The following AMOTL1 variants were observed in gnomAD, a reference collection of about 807,000 sequenced individuals.
The protein encoded by AMOTL1 is angiomotin-like protein 1.
In AMOTL1, 45 loss-of-function variants were observed where a neutral mutation model predicts 102.9. The observed-to-expected ratio is 0.44, with a 90% CI of 0.34 to 0.56. The LOEUF (loss-of-function observed/expected upper bound fraction) is 0.56, where lower values mean the gene tolerates loss of function less well. Ranked by LOEUF, AMOTL1 falls within the 20% of genes least tolerant of loss-of-function variation. The probability of loss-of-function intolerance (pLI) is 0.01; values close to 1 mark genes in which losing one functional copy is unlikely to be tolerated. For missense variants in AMOTL1, 1,114 were observed against 1,225.6 expected (o/e 0.91, Z 1.36); for synonymous variants, 481 against 484.7 (o/e 0.99, Z 0.10).
At chr11:94,760,833 G>A (rs1950783135) in intron 3 of AMOTL1, among the ~76,000 whole-genome samples, 1 of 152,166 alleles carries the variant, frequency 6.6e-6, no homozygotes, top group Non-Finnish European at 1.5e-5. Flanking sequence ...TTTTTTGATG[G>A]TTTTGGGGGA....
At chr11:94,861,327 G>C (rs1952770625) in intron 9 of AMOTL1, among the ~76,000 whole-genome samples, 1 of 152,090 alleles carries the variant, frequency 6.6e-6, no homozygotes, top group Non-Finnish European at 1.5e-5. Context: ...TAATTGAAAT[G>C]GTTTTTTTTT....
At chr11:94,768,636 C>A in intron 1 of AMOTL1, 76 bp downstream of exon 1, 2 of 1,546,808 alleles carry the variant, frequency 1.3e-6, no homozygotes, top group Non-Finnish European at 1.7e-6. Context: ...GCCCCGGGCT[C>A]CCCGGGCCCC....
At position 94,799,864 on chromosome 11, in the gene AMOTL1, G is replaced by A. The variant is rs113594187; in HGVS notation, c.674G>A (p.Ser225Asn). ...GGTTACTACATGGCAGGGGGCACCA[G>A]TCAGAAGTCCCGAACTGAGGGGAGG... ...GHGYYMAGGT[S>N]QKSRTEGRPT... The change falls in exon 3 of 13, where the codon AGT becomes AAT. Residue 225 changes from serine (S) to asparagine (N), a missense_variant. Transcript: ENST00000433060. The surrounding 1 kb of genome is among the most constrained non-coding windows in gnomAD (Gnocchi z 4.5). 1,267 of 1,592,410 alleles carry A rather than the reference G, an allele frequency of 8.0e-4. 20 individuals are homozygous for A. In the African/African-American group the frequency reaches 0.015, roughly 19 times the overall value.
At chr11:94,804,208 A>G (rs1951529519) in intron 3 of AMOTL1, among the ~76,000 whole-genome samples, 1 of 152,258 alleles carries the variant, frequency 6.6e-6, no homozygotes, top group Non-Finnish European at 1.5e-5. Flanking sequence ...TAAAAATATT[A>G]CGGTGCCTGT....
intron 1 of AMOTL1, among the ~76,000 whole-genome samples, chr11:94,717,378 G>C (rs1268198370): frequency 6.7e-6 from 1 of 148,890 alleles, no homozygotes; most frequent in African/African-American, 2.5e-5. Flanking sequence ...ATTAAAGCAT[G>C]TCAGAAAATA....
chr11:94,707,240 CTCTCTCTCTCTG>C (rs759584109), intron 1 of AMOTL1, among the ~76,000 whole-genome samples: 3,479 of 86,524 alleles, frequency 0.04, 51 homozygotes, highest in East Asian at 0.081. Context: ...CTCTCTCTCT[CTCTCTCTCTCTG>C]TGTGTGTGTG....
chr11:94,754,550 G>C (rs1565339958), intron 3 of AMOTL1, among the ~76,000 whole-genome samples: 1 of 152,106 alleles, frequency 6.6e-6, no homozygotes, highest in Non-Finnish European at 1.5e-5. Context: ...CCTTAAATTT[G>C]GCTCAGTAGT....
At chr11:94,845,637 T>C (rs1328728327) in intron 6 of AMOTL1, among the ~76,000 whole-genome samples, 2 of 152,198 alleles carry the variant, frequency 1.3e-5, no homozygotes, top group Non-Finnish European at 2.9e-5. Flanking sequence ...TTTGAGGAGA[T>C]GGAGTCTCAG....
At chr11:94,836,225 C>T (rs1311654788) in intron 6 of AMOTL1, among the ~76,000 whole-genome samples, 1 of 152,176 alleles carries the variant, frequency 6.6e-6, no homozygotes. Context: ...GGTTTCATTA[C>T]ATCAGATGCT....
intron 1 of AMOTL1, among the ~76,000 whole-genome samples, chr11:94,718,247 C>T (rs1950124236): frequency 1.3e-5 from 2 of 151,964 alleles, no homozygotes; most frequent in Non-Finnish European, 2.9e-5. Flanking sequence ...TTGTCAATTT[C>T]CTGACTTATC....
At chr11:94,792,538 T>A (rs182435170) in intron 1 of AMOTL1, among the ~76,000 whole-genome samples, 121 of 152,354 alleles carry the variant, frequency 7.9e-4, no homozygotes, top group African/African-American at 2.5e-3. Flanking sequence ...GGTTGTCTCT[T>A]GGCTTTAGAC....
At chr11:94,742,432 A>C (rs1950540012) in intron 3 of AMOTL1, among the ~76,000 whole-genome samples, 1 of 152,192 alleles carries the variant, frequency 6.6e-6, no homozygotes, top group Non-Finnish European at 1.5e-5. Context: ...TGCTCTGGGA[A>C]ATCAGACTGT....
Position 94,831,414 on chromosome 11 carries a change from T to C in AMOTL1, c.1559-38T>C, listed in dbSNP as rs563501226. 165 of 1,510,278 alleles carry C rather than the reference T, an allele frequency of 1.1e-4. 2 individuals carry two copies. The East Asian group carries it at 3.2e-3, about 30-fold the overall frequency. The allele number at this position is 1,510,278 out of a possible 1,614,324, so 93.6% of individuals were successfully genotyped here. A position where few individuals can be genotyped will look rare whatever the true frequency, so the allele number is the denominator to read the frequency against. ...TTGGTTAGATGATGACTTCAATCCA[T>C]ATACATTTCTTTGTAATCATTTCCT... On this transcript the variant is annotated intron_variant, in intron 5 of 12. Transcript: ENST00000433060.
chr11:94,858,210 T>G (rs1294170737), intron 8 of AMOTL1, among the ~76,000 whole-genome samples: 1 of 152,160 alleles, frequency 6.6e-6, no homozygotes, highest in African/African-American at 2.4e-5. Flanking sequence ...GTTCATTTGT[T>G]CTCCTGCCTG....
At chr11:94,804,115 T>G (rs937097525) in intron 3 of AMOTL1, among the ~76,000 whole-genome samples, 2 of 152,218 alleles carry the variant, frequency 1.3e-5, no homozygotes, top group South Asian at 4.1e-4. Flanking sequence ...TGTTTTGGCT[T>G]CCTTAGGAAT....
At chr11:94,790,153 T>A (rs1951259291) in intron 1 of AMOTL1, among the ~76,000 whole-genome samples, 1 of 152,224 alleles carries the variant, frequency 6.6e-6, no homozygotes, top group Admixed American at 6.5e-5. Flanking sequence ...TAACTCTTAC[T>A]TGGTACTGAG....
At chr11:94,863,328 C>G (rs1325976107) in intron 9 of AMOTL1, among the ~76,000 whole-genome samples, 1 of 150,626 alleles carries the variant, frequency 6.6e-6, no homozygotes, top group African/African-American at 2.4e-5. Context: ...CGCGGTGGCT[C>G]ACGTCTGTAA....
In AMOTL1 at chr11:94,875,737, A is replaced by G. The variant is rs1034901775; in HGVS notation, c.*4942A>G. On this transcript the variant is annotated 3_prime_UTR_variant, in exon 13 of 13. Transcript: ENST00000433060. Reference sequence around the variant, plus strand: ...TTACACCATTTTTGTTTCTAAAAAAATCCCTAAGAAATTTCTTGGAATGAG... The same window carrying G: ...TTACACCATTTTTGTTTCTAAAAAAGTCCCTAAGAAATTTCTTGGAATGAG... 2 of 152,242 alleles carry G rather than the reference A, an allele frequency of 1.3e-5. No homozygotes were observed. The highest frequency in any genetic ancestry group is 2.9e-5 in the Non-Finnish European group (2 of 68,044). The allele number at this position is 152,242 out of a possible 1,614,324, so 9.4% of individuals were successfully genotyped here. A position where few individuals can be genotyped will look rare whatever the true frequency, so the allele number is the denominator to read the frequency against.
intron 6 of AMOTL1, among the ~76,000 whole-genome samples, chr11:94,837,948 C>T (rs1952218091): frequency 6.6e-6 from 1 of 152,156 alleles, no homozygotes; most frequent in South Asian, 2.1e-4. Flanking sequence ...AATCCATTTG[C>T]ATTTCTTCTG....
Sources: gnomAD v4.1 joint callset for allele counts (sites outside exome capture counted in the v4.1 genomes callset) on GRCh38, gnomAD v4.1.1 for gene constraint, Gnocchi (gnomAD v3.1) non-coding constraint, MANE v1.5 for transcripts, NCBI Gene and HGNC (gene_info 2026-07-23, HGNC 2026-07-21) for gene names.